Variants in RECQL observed in about 807,000 individuals in gnomAD.
The protein encoded by RECQL is RecQ like helicase.
In RECQL, 73 loss-of-function variants were observed where a neutral mutation model predicts 75.8. The ratio of observed to expected loss-of-function variants is 0.96; its 90% CI spans 0.80 to 1.17. RECQL has a LOEUF of 1.17. RECQL is among the 50% of genes most tolerant of loss of function. The pLI is 0.00. For missense variants in RECQL, 699 were observed against 772.1 expected (o/e 0.91, Z 1.12); for synonymous variants, 248 against 254.4 (o/e 0.97, Z 0.24).
At chr12:21,482,589 A>G (rs1189314436) in intron 6 of RECQL, among the ~76,000 whole-genome samples, 2 of 152,224 alleles carry the variant, frequency 1.3e-5, no homozygotes, top group Non-Finnish European at 2.9e-5. Flanking sequence ...CGCCTGAAGC[A>G]GACTGGCAGA....
intron 12 of RECQL, 131 bp from the exon 13 acceptor site, chr12:21,471,778 T>C: frequency 1.4e-6 from 1 of 690,312 alleles, no homozygotes; most frequent in Admixed American, 2.6e-5. Context: ...GATTTTTAAA[T>C]GTATTCTGAA....
intron 5 of RECQL, among the ~76,000 whole-genome samples, chr12:21,486,034 T>C (rs187511236): frequency 9.2e-5 from 14 of 152,286 alleles, no homozygotes; most frequent in Admixed American, 7.8e-4. Flanking sequence ...TTAGAATGGA[T>C]AATACAAAAC....
intron 12 of RECQL, 51 bp from the exon 13 acceptor site, chr12:21,471,698 C>G: frequency 7.1e-7 from 1 of 1,399,554 alleles, no homozygotes; most frequent in Non-Finnish European, 1.0e-6. Context: ...GAAATGAGGG[C>G]AAAGATAGGC....
rs1173956521 is a variant in RECQL, at chr12:21,471,116, C to T, written c.1668-18G>A. ...AGTCTTCTCTGCAGAAAATAAAGGC[C>T]AACAATAAGAAAGCTTTTGAAGGAA... On this transcript the variant is annotated intron_variant, in intron 13 of 14. Coordinates refer to ENST00000444129, the MANE Select transcript of RECQL (RefSeq NM_002907.4). 1.0e-5 allele frequency: 16 copies of T among 1,547,866 alleles called. No individual in the cohort carries two copies. The South Asian group carries it at 2.0e-4, about 19-fold the overall frequency.
At position 21,494,764 on chromosome 12, in the gene RECQL, A is replaced by G. The variant is rs562631673; in HGVS notation, c.17-3048T>C. On this transcript the variant is annotated intron_variant, in intron 2 of 14. Coordinates refer to ENST00000444129, the MANE Select transcript of RECQL (RefSeq NM_002907.4). Reference sequence around the variant, plus strand: ...GACTGTGAAAAATACAGTCATGAGCAGAGCGCCAGCATCAGCGGAGCTCTT... The same window carrying G: ...GACTGTGAAAAATACAGTCATGAGCGGAGCGCCAGCATCAGCGGAGCTCTT... 3.9e-5 allele frequency among the ~76,000 whole-genome samples: 6 copies of G among 152,338 alleles called. No homozygotes were observed. In the South Asian group the frequency reaches 1.2e-3, roughly 32 times the overall value.
intron 2 of RECQL, among the ~76,000 whole-genome samples, chr12:21,492,422 G>C (rs770060686): frequency 6.6e-6 from 1 of 152,164 alleles, no homozygotes; most frequent in Non-Finnish European, 1.5e-5. Context: ...GATGTTCTTG[G>C]TGCATTCTCA....
chr12:21,500,187 A>AT (rs1456447755), intron 1 of RECQL, among the ~76,000 whole-genome samples: 1 of 152,242 alleles, frequency 6.6e-6, no homozygotes, highest in Admixed American at 6.5e-5. Flanking sequence ...GAATTACAAT[A>AT]TAAGCCCAAT....
chr12:21,483,232 T>G, intron 6 of RECQL, 144 bp downstream of exon 6: 1 of 663,190 alleles, frequency 1.5e-6, no homozygotes, highest in East Asian at 3.2e-5. Context: ...AAAACCCTTT[T>G]GGTTCCGAAC....
At position 21,471,179 on chromosome 12, in the gene RECQL, C is replaced by G. The variant is rs74067192; in HGVS notation, c.1668-81G>C. ...AATTTATAAAAGAAATAACTATATGCGCAGTAATTCTTAACACATTGACTT... is the reference window on the plus strand; with the variant it reads ...AATTTATAAAAGAAATAACTATATGGGCAGTAATTCTTAACACATTGACTT... On this transcript the variant is annotated intron_variant, in intron 13 of 14. Coordinates refer to ENST00000444129, the MANE Select transcript of RECQL (RefSeq NM_002907.4). 6.9e-6 allele frequency: 9 copies of G among 1,311,040 alleles called. 1 individual carries two copies. In the South Asian group the frequency reaches 1.4e-4, roughly 21 times the overall value. 81.2% of individuals were successfully genotyped at this position (1,311,040 alleles called of 1,614,324 possible).
At chr12:21,480,192 A>G (rs1026861743) in intron 6 of RECQL, among the ~76,000 whole-genome samples, 1 of 152,178 alleles carries the variant, frequency 6.6e-6, no homozygotes, top group Non-Finnish European at 1.5e-5. Context: ...ATATTACCCT[A>G]TGGGCCCCAG....
intron 6 of RECQL, among the ~76,000 whole-genome samples, chr12:21,480,018 C>T (rs1055120342): frequency 9.9e-5 from 15 of 152,082 alleles, no homozygotes; most frequent in Admixed American, 1.3e-4. Flanking sequence ...AAATGCTATG[C>T]AAATGTGTCT....
At chr12:21,487,177 T>G (rs1403759058) in intron 4 of RECQL, among the ~76,000 whole-genome samples, 2 of 152,162 alleles carry the variant, frequency 1.3e-5, no homozygotes, top group Non-Finnish European at 2.9e-5. Context: ...AAATGTTTAA[T>G]TTGCTATCGT....
chr12:21,475,606 A>T (rs1261332324), intron 9 of RECQL, 21 bp from the exon 10 acceptor site: 2 of 1,607,496 alleles, frequency 1.2e-6, no homozygotes, highest in Non-Finnish European at 1.7e-6. Flanking sequence ...TTAACATTTT[A>T]TCAGTTAATT....
At position 21,477,903 on chromosome 12, in the gene RECQL, G is replaced by T. The variant is rs199922359; in HGVS notation, c.767C>A (p.Thr256Asn). The T allele has an allele frequency of 6.2e-7, 1 of 1,613,848 alleles. No homozygotes were observed. The highest frequency in any genetic ancestry group is 1.3e-5 in the African/African-American group (1 of 75,044). ...ATCCGTCAAAACGTGATTTGTTGCAGTTGCAGTCAGCCCAATTAGTGATGC... is the reference window on the plus strand; with the variant it reads ...ATCCGTCAAAACGTGATTTGTTGCATTTGCAGTCAGCCCAATTAGTGATGC... The part of the protein sequence containing the change: ...PNASLIGLTA[T>N]ATNHVLTDAQ... Residue 256 changes from threonine to asparagine, a missense_variant, in exon 7 of 15, where the codon ACT becomes AAT. Thr to Asn is a moderately conservative substitution (Grantham distance 65, BLOSUM62 0). Coordinates refer to ENST00000444129, the MANE Select transcript of RECQL (RefSeq NM_002907.4).
At chr12:21,488,788 C>T (rs564177519) in intron 4 of RECQL, among the ~76,000 whole-genome samples, 2 of 152,304 alleles carry the variant, frequency 1.3e-5, no homozygotes, top group African/African-American at 4.8e-5. Context: ...TCCTTCTAAA[C>T]CATGAAATAA....
chr12:21,475,513 T>C lies in RECQL; in HGVS notation c.1171A>G (p.Met391Val), dbSNP rs142106831. The C allele has an allele frequency of 1.1e-4, 173 of 1,612,852 alleles. No homozygotes were observed. The highest frequency in any genetic ancestry group is 1.4e-4 in the Non-Finnish European group (166 of 1,179,242). ...PDVRFVIHHSMSKSMENYYQE... is the reference protein window; with the variant it reads ...PDVRFVIHHSVSKSMENYYQE... ...TAATAATTTTCCATGGATTTACTCA[T>C]TGAATGATGGATAACAAACCTCACA... Residue 391 changes from methionine (M) to valine (V), a missense_variant, in exon 10 of 15, where the codon ATG becomes GTG. This residue lies in a region of RECQL where 669 missense variants were observed against 713.5 expected (regional missense o/e 0.94). Transcript: ENST00000444129.
At position 21,501,523 on chromosome 12, in the gene RECQL, G is replaced by T; in HGVS notation, c.-399C>A. 1 of 220,874 alleles carries T rather than the reference G, an allele frequency of 4.5e-6. No individual in the cohort carries two copies. The highest frequency in any genetic ancestry group is 9.2e-6 in the Non-Finnish European group (1 of 108,340). 13.7% of individuals were successfully genotyped at this position (220,874 alleles called of 1,614,324 possible). Reference sequence around the variant, plus strand: ...TCCGGTGTCCGACTGTCCTGTGTCCGACTCTCCGATCTCCGACTCTCGGAT... The same window carrying T: ...TCCGGTGTCCGACTGTCCTGTGTCCTACTCTCCGATCTCCGACTCTCGGAT... On this transcript the variant is annotated 5_prime_UTR_variant, in exon 1 of 15. Transcript: ENST00000444129.
chr12:21,485,104 C>T (rs937952011), intron 5 of RECQL, among the ~76,000 whole-genome samples: 61 of 151,240 alleles, frequency 4.0e-4, no homozygotes, highest in African/African-American at 1.5e-3. Flanking sequence ...AAACTGATAA[C>T]CAGAGATCAG....
chr12:21,479,728 C>A (rs1328254716), intron 6 of RECQL, among the ~76,000 whole-genome samples: 1 of 151,838 alleles, frequency 6.6e-6, no homozygotes, highest in South Asian at 2.1e-4. Flanking sequence ...CTGGAATAGA[C>A]AAAACACTGA....
Sources: gnomAD v4.1 joint callset for allele counts (sites outside exome capture counted in the v4.1 genomes callset) on GRCh38, gnomAD v4.1.1 for gene constraint, gnomAD v4.1.1 regional missense constraint, MANE v1.5 for transcripts, NCBI Gene and HGNC (gene_info 2026-07-23, HGNC 2026-07-21) for gene names.